The following SNTG1 variants were observed in gnomAD, a reference collection of about 807,000 sequenced individuals.
The protein encoded by SNTG1 is syntrophin gamma 1.
Under a neutral mutation model 74.7 loss-of-function variants are expected in SNTG1, and 39 were observed. The ratio of observed to expected loss-of-function variants is 0.52; its 90% CI spans 0.40 to 0.68. SNTG1 has a LOEUF of 0.68. SNTG1 is among the 30% of genes least tolerant of loss of function. SNTG1 has a pLI of 0.00. For missense variants in SNTG1, 685 were observed against 609.5 expected, an observed-to-expected ratio of 1.12 and a Z score of -1.30; for synonymous variants, 254 against 217.1, an observed-to-expected ratio of 1.17 and a Z score of -1.49.
chr8:50,470,648 G>C (rs908026036), intron 8 of SNTG1, among the ~76,000 whole-genome samples: 1 of 152,148 alleles, frequency 6.6e-6, no homozygotes, highest in African/African-American at 2.4e-5. Context: ...TAAATGTGGT[G>C]CGTCCGGAGT....
intron 2 of SNTG1, among the ~76,000 whole-genome samples, chr8:50,376,634 T>C (rs1335898117): frequency 6.6e-6 from 1 of 150,852 alleles, no homozygotes; most frequent in East Asian, 1.9e-4. Flanking sequence ...AAATTGTATA[T>C]ATTTTTTGCC....
At chr8:49,964,160 GT>G (rs2129788349) in intron 1 of SNTG1, among the ~76,000 whole-genome samples, 1 of 152,304 alleles carries the variant, frequency 6.6e-6, no homozygotes, top group Admixed American at 6.5e-5. Context: ...TTTAGATGAG[GT>G]TAATATTTGA....
chr8:50,674,681 C>G (rs1211780988), intron 15 of SNTG1, among the ~76,000 whole-genome samples: 2 of 151,836 alleles, frequency 1.3e-5, no homozygotes, highest in African/African-American at 4.8e-5. Flanking sequence ...CTGCTCTGAC[C>G]TGAGTTATTT....
chr8:50,563,544 GTC>G lies in SNTG1; in HGVS notation c.810+10370_810+10371del, dbSNP rs1286396556. Among the ~76,000 whole-genome samples, 3 of 151,998 alleles carry G rather than the reference GTC, an allele frequency of 2.0e-5. No homozygotes were observed. In the East Asian group the frequency reaches 5.8e-4, roughly 29 times the overall value. On this transcript the variant is annotated intron_variant, in intron 12 of 18. Coordinates refer to ENST00000642720, the MANE Select transcript of SNTG1 (RefSeq NM_018967.5). ...TTCCTTTTGTCCATCATAAATCTCT[GTC>G]TCTCATAATGAAATGTCTGATAGAC...
intron 2 of SNTG1, among the ~76,000 whole-genome samples, chr8:50,191,105 A>T (rs1162659912): frequency 6.6e-6 from 1 of 152,130 alleles, no homozygotes; most frequent in Non-Finnish European, 1.5e-5. Flanking sequence ...ATACTTACGT[A>T]GCCTTCTGAA....
At chr8:50,447,274 G>C (rs1230870067) in intron 5 of SNTG1, among the ~76,000 whole-genome samples, 1 of 152,080 alleles carries the variant, frequency 6.6e-6, no homozygotes. Context: ...AAAAAAAATG[G>C]GTTCAGTAGC....
chr8:50,145,942 T>A (rs1402200934), intron 1 of SNTG1, among the ~76,000 whole-genome samples: 2 of 149,820 alleles, frequency 1.3e-5, no homozygotes, highest in African/African-American at 5.0e-5. Flanking sequence ...CTTTGTATCA[T>A]GTACCCTAGA....
At chr8:50,675,616 GC>G (rs1304984731) in intron 15 of SNTG1, among the ~76,000 whole-genome samples, 2 of 151,878 alleles carry the variant, frequency 1.3e-5, no homozygotes, top group Non-Finnish European at 2.9e-5. Flanking sequence ...TATCCAATTT[GC>G]CAATCTGTGT....
intron 13 of SNTG1, among the ~76,000 whole-genome samples, chr8:50,636,523 T>C (rs1222736265): frequency 6.6e-6 from 1 of 152,162 alleles, no homozygotes; most frequent in Non-Finnish European, 1.5e-5. Flanking sequence ...GGGCATCAGC[T>C]GAGTTCTACT....
chr8:50,736,314 G>A (rs937092122), intron 17 of SNTG1, among the ~76,000 whole-genome samples: 2 of 151,896 alleles, frequency 1.3e-5, no homozygotes, highest in Admixed American at 1.3e-4. Context: ...CCAATTAAAA[G>A]ATCAAAAAAC....
intron 2 of SNTG1, among the ~76,000 whole-genome samples, chr8:50,347,900 T>G (rs2091528480): frequency 1.3e-5 from 2 of 152,230 alleles, no homozygotes; most frequent in Admixed American, 6.5e-5. Flanking sequence ...GGTTTCCCAG[T>G]GGGCCTGTTA....
intron 18 of SNTG1, among the ~76,000 whole-genome samples, chr8:50,754,299 A>C (rs1274679504): frequency 6.6e-6 from 1 of 151,984 alleles, no homozygotes; most frequent in African/African-American, 2.4e-5. Flanking sequence ...AATATAGATA[A>C]CATTTTATAT....
At chr8:50,029,405 A>G (rs1021050325) in intron 1 of SNTG1, among the ~76,000 whole-genome samples, 1 of 152,054 alleles carries the variant, frequency 6.6e-6, no homozygotes, top group Non-Finnish European at 1.5e-5. Flanking sequence ...TATCAACTAA[A>G]GTCACTCTGC....
intron 13 of SNTG1, among the ~76,000 whole-genome samples, chr8:50,621,708 A>C (rs1187383732): frequency 1.3e-5 from 2 of 152,206 alleles, no homozygotes; most frequent in Non-Finnish European, 2.9e-5. Context: ...TATATGAGCC[A>C]CTGATTTGTA....
chr8:50,120,921 A>T (rs2080976619), intron 1 of SNTG1, among the ~76,000 whole-genome samples: 1 of 142,092 alleles, frequency 7.0e-6, no homozygotes, highest in African/African-American at 2.5e-5. Context: ...GATCCTCTCT[A>T]CATGTCTGGT....
chr8:50,477,852 CTTTT>C (rs2093709057), intron 8 of SNTG1, among the ~76,000 whole-genome samples: 1 of 152,020 alleles, frequency 6.6e-6, no homozygotes, highest in Admixed American at 6.6e-5. Flanking sequence ...CATATTTTTC[CTTTT>C]TTGTTTACTT....
intron 2 of SNTG1, among the ~76,000 whole-genome samples, chr8:50,186,527 C>A (rs907838639): frequency 6.6e-6 from 1 of 152,112 alleles, no homozygotes; most frequent in South Asian, 2.1e-4. Context: ...ACAGCCTCGA[C>A]AGCAAATATT....
At chr8:50,432,986 C>T (rs111652055) in intron 4 of SNTG1, among the ~76,000 whole-genome samples, 1 of 152,066 alleles carries the variant, frequency 6.6e-6, no homozygotes, top group African/African-American at 2.4e-5. Context: ...ATGGGGGTTT[C>T]ACCATGTCGG....
intron 1 of SNTG1, among the ~76,000 whole-genome samples, chr8:49,969,789 C>A (rs1811490594): frequency 6.6e-6 from 1 of 152,086 alleles, no homozygotes; most frequent in Admixed American, 6.5e-5. Context: ...GTCAAAACAA[C>A]AATGACATCA....
Sources: allele counts gnomAD v4.1 joint callset (sites outside exome capture counted in the v4.1 genomes callset), GRCh38; gene constraint gnomAD v4.1.1; transcripts MANE v1.5; gene names NCBI Gene and HGNC (gene_info 2026-07-23, HGNC 2026-07-21).